STXBP5L: variants seen among roughly 807,000 people sequenced by gnomAD.
STXBP5L encodes the protein syntaxin binding protein 5L.
STXBP5L carries 65 observed loss-of-function variants against 144.5 expected under a neutral mutation model. That is an observed-to-expected ratio of 0.45 (90% CI 0.37 to 0.55). The LOEUF (loss-of-function observed/expected upper bound fraction) is 0.55, where lower values mean the gene tolerates loss of function less well. Ranked by LOEUF, STXBP5L falls within the 20% of genes least tolerant of loss-of-function variation. The pLI is 0.00. For synonymous variants in STXBP5L, 505 were observed against 469.6 expected, an observed-to-expected ratio of 1.08 and a Z score of -0.97; for missense variants, 1,298 against 1,405.5, an observed-to-expected ratio of 0.92 and a Z score of 1.22.
intron 3 of STXBP5L, among the ~76,000 whole-genome samples, chr3:121,023,193 G>A (rs1345652336): frequency 6.6e-6 from 1 of 151,978 alleles, no homozygotes; most frequent in Non-Finnish European, 1.5e-5. Flanking sequence ...TAACCAAGGA[G>A]ATTAAAGGCC....
At chr3:121,127,862 G>T (rs950254217) in intron 7 of STXBP5L, among the ~76,000 whole-genome samples, 4 of 151,868 alleles carry the variant, frequency 2.6e-5, no homozygotes, top group Non-Finnish European at 5.9e-5. Context: ...ATTTCTGGAG[G>T]AGAACAGTTT....
At chr3:120,959,777 T>C (rs1001499983) in intron 3 of STXBP5L, among the ~76,000 whole-genome samples, 1 of 152,182 alleles carries the variant, frequency 6.6e-6, no homozygotes, top group African/African-American at 2.4e-5. Context: ...AAGAATTAAA[T>C]GTTAGACCTA....
At chr3:120,966,909 G>A (rs1479478493) in intron 3 of STXBP5L, among the ~76,000 whole-genome samples, 1 of 152,172 alleles carries the variant, frequency 6.6e-6, no homozygotes, top group Non-Finnish European at 1.5e-5. Flanking sequence ...CCAGAGAGTT[G>A]GATTCTAGAG....
At chr3:121,085,284 C>T (rs1014618096) in intron 5 of STXBP5L, among the ~76,000 whole-genome samples, 12 of 152,090 alleles carry the variant, frequency 7.9e-5, no homozygotes, top group Non-Finnish European at 1.3e-4. Flanking sequence ...GTCATGAAAT[C>T]TTTGCCTGGG....
chr3:121,026,091 TA>T (rs1299548011), intron 3 of STXBP5L, among the ~76,000 whole-genome samples: 3 of 149,822 alleles, frequency 2.0e-5, no homozygotes, highest in South Asian at 4.2e-4. Flanking sequence ...TTCCCATGCT[TA>T]AAAGCCTTCA....
chr3:121,008,864 C>G (rs1249456123), intron 3 of STXBP5L, among the ~76,000 whole-genome samples: 1 of 151,816 alleles, frequency 6.6e-6, no homozygotes, highest in Non-Finnish European at 1.5e-5. Flanking sequence ...GAATATGTAG[C>G]AATTGTAATA....
Position 121,424,700 on chromosome 3 carries a change from ATACTT to A in STXBP5L, c.*5604_*5608del, listed in dbSNP as rs1484164673. 6.6e-6 allele frequency: 1 copy of A among 152,214 alleles called. No individual in the cohort carries two copies. The highest frequency in any genetic ancestry group is 1.5e-5 in the Non-Finnish European group (1 of 68,040). 9.4% of individuals were successfully genotyped at this position (152,214 alleles called of 1,614,324 possible). On this transcript the variant is annotated 3_prime_UTR_variant, in exon 27 of 27. Transcript: ENST00000471454. ...TCTGTTGCACTCAGCAATTGTGACTATACTTAACAAAATTCTTGTAGTCTGTAGAG... is the reference window on the plus strand; with the variant it reads ...TCTGTTGCACTCAGCAATTGTGACTAAACAAAATTCTTGTAGTCTGTAGAG...
At chr3:121,133,974 A>T (rs919447359) in intron 7 of STXBP5L, among the ~76,000 whole-genome samples, 1 of 152,180 alleles carries the variant, frequency 6.6e-6, no homozygotes, top group Non-Finnish European at 1.5e-5. Context: ...ACCTTGACAC[A>T]TGGTGATTAC....
chr3:120,962,990 C>A (rs1199562787), intron 3 of STXBP5L, among the ~76,000 whole-genome samples: 2 of 152,212 alleles, frequency 1.3e-5, no homozygotes, highest in African/African-American at 4.8e-5. Flanking sequence ...AAGTCCTTCA[C>A]ATCCCTTGTT....
chr3:121,377,476 A>G (rs2046216377), intron 20 of STXBP5L, among the ~76,000 whole-genome samples: 1 of 152,244 alleles, frequency 6.6e-6, no homozygotes, highest in Non-Finnish European at 1.5e-5. Flanking sequence ...CAAGGAACTT[A>G]GACAAATTTA....
At chr3:121,232,672 A>C (rs2049346015) in intron 11 of STXBP5L, among the ~76,000 whole-genome samples, 2 of 152,312 alleles carry the variant, frequency 1.3e-5, no homozygotes, top group African/African-American at 4.8e-5. Flanking sequence ...AACTGGGTCC[A>C]TTTGCCCATG....
At chr3:120,929,407 A>T (rs537677617) in intron 2 of STXBP5L, among the ~76,000 whole-genome samples, 1 of 152,328 alleles carries the variant, frequency 6.6e-6, no homozygotes, top group South Asian at 2.1e-4. Context: ...TGGATCTTAT[A>T]TAGAATTTTA....
chr3:120,965,527 A>C (rs1005738035), intron 3 of STXBP5L, among the ~76,000 whole-genome samples: 2 of 152,264 alleles, frequency 1.3e-5, no homozygotes, highest in African/African-American at 4.8e-5. Flanking sequence ...ATTCTCCTTC[A>C]TTTATGAAGC....
At chr3:121,114,830 T>G (rs1321603372) in intron 5 of STXBP5L, 95 bp from the exon 6 acceptor site, 12 of 749,346 alleles carry the variant, frequency 1.6e-5, no homozygotes, top group East Asian at 3.1e-5. Flanking sequence ...ATTTTATTAT[T>G]TATATAGCTA....
In STXBP5L at chr3:121,217,792, G is replaced by A. The variant is rs1405754974; in HGVS notation, c.957-5211G>A. ...ACTAAGAAACTTGAAAGCCAAACTT[G>A]TAAAATGAGAGCAAATAGATCCATA... is the stretch of plus-strand genomic sequence containing the variant. On this transcript the variant is annotated intron_variant, in intron 10 of 26. Transcript: ENST00000471454. 6.6e-5 allele frequency among the ~76,000 whole-genome samples: 10 copies of A among 151,900 alleles called. No individual in the cohort carries two copies. The East Asian group carries it at 1.9e-3, about 29-fold the overall frequency.
chr3:121,119,879 C>T (rs551401688), intron 6 of STXBP5L, among the ~76,000 whole-genome samples: 3 of 151,166 alleles, frequency 2.0e-5, no homozygotes, highest in South Asian at 2.1e-4. Context: ...CTACAAATAA[C>T]GGAAGTTTAA....
At position 121,250,776 on chromosome 3, in the gene STXBP5L, T is replaced by C. The variant is rs765564630; in HGVS notation, c.1441+13T>C. 7.5e-6 allele frequency: 12 copies of C among 1,608,868 alleles called. No homozygotes were observed. Among genetic ancestry groups the C allele is most frequent in the African/African-American group, 1.3e-5 (1 of 74,750 alleles). On this transcript the variant is annotated intron_variant, in intron 15 of 26. Transcript: ENST00000471454. Reference sequence around the variant, plus strand: ...GATGCTTCTGCAAGTAAGTTTCAAGTTTCTGTACAACAGAAACCAATTGGT... The same window carrying C: ...GATGCTTCTGCAAGTAAGTTTCAAGCTTCTGTACAACAGAAACCAATTGGT...
At chr3:121,383,572 G>A (rs1046554644) in intron 22 of STXBP5L, among the ~76,000 whole-genome samples, 2 of 152,134 alleles carry the variant, frequency 1.3e-5, no homozygotes, top group Non-Finnish European at 1.5e-5. Context: ...GAATAAAGAT[G>A]TATATAAAGG....
At chr3:121,118,904 G>C (rs1023519333) in intron 6 of STXBP5L, among the ~76,000 whole-genome samples, 1 of 151,454 alleles carries the variant, frequency 6.6e-6, no homozygotes, top group Non-Finnish European at 1.5e-5. Flanking sequence ...CCATTGAATT[G>C]TATGTGTTTA....
Sources: gnomAD v4.1 joint callset for allele counts (sites outside exome capture counted in the v4.1 genomes callset) on GRCh38, gnomAD v4.1.1 for gene constraint, MANE v1.5 for transcripts, NCBI Gene and HGNC (gene_info 2026-07-23, HGNC 2026-07-21) for gene names.